The following TRAK1 variants were observed in gnomAD, a reference collection of about 807,000 sequenced individuals.
TRAK1 encodes the protein trafficking kinesin-binding protein 1.
A neutral mutation model predicts 92.1 loss-of-function variants in TRAK1; 33 were observed. The observed-to-expected ratio is 0.36, with a 90% CI of 0.27 to 0.48. The LOEUF (loss-of-function observed/expected upper bound fraction) is 0.48, where lower values mean the gene tolerates loss of function less well. Ranked by LOEUF, TRAK1 falls within the 20% of genes least tolerant of loss-of-function variation. The pLI, the probability that TRAK1 is intolerant of heterozygous loss-of-function variation, is 0.99. For missense variants in TRAK1, 1,123 were observed against 1,257.9 expected (o/e 0.89, Z 1.62); for synonymous variants, 521 against 517.3 (o/e 1.01, Z -0.10).
intron 12 of TRAK1, among the ~76,000 whole-genome samples, chr3:42,201,928 A>ACC (rs1707685050): frequency 2.1e-5 from 3 of 145,886 alleles, no homozygotes. Flanking sequence ...ACACACACAC[A>ACC]CACCATTGTC....
rs191492304 is a variant in TRAK1 at position 42,101,354 on chromosome 3, G to A, written c.91+9794G>A. Among the ~76,000 whole-genome samples the A allele has an allele frequency of 6.6e-5, 10 of 152,362 alleles. No homozygotes were observed. In the East Asian group the frequency reaches 1.2e-3, roughly 18 times the overall value. On this transcript the variant is annotated intron_variant, in intron 1 of 15. Transcript: ENST00000327628. ...ACCATAGCAAGAGTGATTCAGGAAGGATGCAGGAAGAATTGTGGACAAAGT... is the reference window on the plus strand; with the variant it reads ...ACCATAGCAAGAGTGATTCAGGAAGAATGCAGGAAGAATTGTGGACAAAGT...
At chr3:42,103,801 A>G (rs1317138008) in intron 1 of TRAK1, among the ~76,000 whole-genome samples, 8 of 152,122 alleles carry the variant, frequency 5.3e-5, no homozygotes, top group East Asian at 1.9e-4. Context: ...TTCATTTCCA[A>G]CTGAGGTACT....
In TRAK1 at chr3:42,148,918, C is replaced by T. The variant is rs533421265; in HGVS notation, c.286+23304C>T. Among the ~76,000 whole-genome samples the T allele has an allele frequency of 3.0e-4, 46 of 152,182 alleles. 1 individual carries two copies. In the South Asian group the frequency reaches 8.3e-3, roughly 27 times the overall value. On this transcript the variant is annotated intron_variant, in intron 2 of 15. Coordinates refer to ENST00000327628, the MANE Select transcript of TRAK1 (RefSeq NM_001042646.3). The stretch of plus-strand genomic sequence containing the variant: ...TTCAAATCCAGAGTCTTCTTTCTAT[C>T]GTGACCCAAAGTAGGGTGAATAAGC...
chr3:42,093,649 CCCCTT>C (rs1553713246), intron 1 of TRAK1, among the ~76,000 whole-genome samples: 1 of 40,600 alleles, frequency 2.5e-5, no homozygotes, highest in African/African-American at 1.1e-4. Flanking sequence ...TCTTTTTTCT[CCCCTT>C]CCCTTCCCTT....
At chr3:42,110,714 G>T (rs1029933879) in intron 1 of TRAK1, among the ~76,000 whole-genome samples, 4 of 152,152 alleles carry the variant, frequency 2.6e-5, no homozygotes, top group African/African-American at 9.7e-5. Context: ...AGCAAGTCTT[G>T]CCTTGTGTAT....
intron 7 of TRAK1, 57 bp downstream of exon 7, chr3:42,191,693 A>G: frequency 6.5e-7 from 1 of 1,540,000 alleles, no homozygotes. Flanking sequence ...ATGATTAGAC[A>G]GATTTGCGTC....
At chr3:42,124,300 T>C (rs1161284521) in intron 1 of TRAK1, among the ~76,000 whole-genome samples, 2 of 152,224 alleles carry the variant, frequency 1.3e-5, no homozygotes, top group African/African-American at 4.8e-5. Context: ...ACAAAACCAC[T>C]GCTGTTCCCA....
intron 6 of TRAK1, among the ~76,000 whole-genome samples, chr3:42,190,957 A>ACATCTCTATCATCTTCTTT: frequency 6.6e-6 from 1 of 152,170 alleles, no homozygotes; most frequent in African/African-American, 2.4e-5. Context: ...TTGGGCCTTC[A>ACATCTCTATCATCTTCTTT]GATCTCTATC....
chr3:42,158,715 A>T (rs1700850527), intron 2 of TRAK1, among the ~76,000 whole-genome samples: 1 of 149,516 alleles, frequency 6.7e-6, no homozygotes, highest in Admixed American at 6.7e-5. Context: ...AGGCTGAGGC[A>T]TGCGGATCAT....
chr3:42,111,861 A>T (rs1366823601), intron 1 of TRAK1, among the ~76,000 whole-genome samples: 2 of 150,938 alleles, frequency 1.3e-5, no homozygotes, highest in African/African-American at 4.9e-5. Flanking sequence ...TTTTACAGGG[A>T]TAAGTATGAA....
At chr3:42,095,913 G>C (rs1055986500) in intron 1 of TRAK1, among the ~76,000 whole-genome samples, 1 of 152,202 alleles carries the variant, frequency 6.6e-6, no homozygotes, top group Non-Finnish European at 1.5e-5. Flanking sequence ...TATAAAAGAG[G>C]TTTTGGAGAG....
intron 2 of TRAK1, among the ~76,000 whole-genome samples, chr3:42,136,192 G>A (rs967081883): frequency 2.6e-5 from 4 of 152,154 alleles, no homozygotes; most frequent in African/African-American, 9.7e-5. Context: ...ATGGCATTGG[G>A]AGATAGGGTC....
At chr3:42,198,899 A>G (rs780950780) in intron 10 of TRAK1, among the ~76,000 whole-genome samples, 3 of 152,112 alleles carry the variant, frequency 2.0e-5, no homozygotes, top group Non-Finnish European at 4.4e-5. Flanking sequence ...GGTTTGGCCA[A>G]CGGAGCATAG....
intron 10 of TRAK1, 55 bp downstream of exon 10, chr3:42,194,996 C>T: frequency 6.3e-7 from 1 of 1,596,396 alleles, no homozygotes; most frequent in East Asian, 2.3e-5. Flanking sequence ...GTGACAGGAG[C>T]ACAGTGTCTG....
intron 13 of TRAK1, among the ~76,000 whole-genome samples, chr3:42,205,279 T>C (rs906515613): frequency 2.6e-5 from 4 of 152,146 alleles, no homozygotes; most frequent in Admixed American, 6.5e-5. Flanking sequence ...TCTTTTTCTA[T>C]TGGCCCACTG....
chr3:42,061,335 C>T (rs974751753), intron 1 of TRAK1, among the ~76,000 whole-genome samples: 3 of 126,090 alleles, frequency 2.4e-5, no homozygotes, highest in East Asian at 2.6e-4. Context: ...CCCCCATGCA[C>T]ACCCCACCCC....
rs528998490 is a variant in TRAK1 at position 42,073,828 on chromosome 3, A to T, written c.-518-13276A>T. Reference sequence around the variant, plus strand: ...TCAAATGAGGTAGGAGAGTGGTAAGATGAAAGACGGGAGGAACAGACCTCT... The same window carrying T: ...TCAAATGAGGTAGGAGAGTGGTAAGTTGAAAGACGGGAGGAACAGACCTCT... On this transcript the variant is annotated intron_variant, in intron 1 of 16. Coordinates refer to the TRAK1 transcript ENST00000487159. 2.0e-4 allele frequency among the ~76,000 whole-genome samples: 31 copies of T among 152,352 alleles called. No individual in the cohort carries two copies. The Middle Eastern group carries it at 0.017, about 84-fold the overall frequency.
intron 13 of TRAK1, chr3:42,204,305 A>G: frequency 1.0e-6 from 1 of 952,704 alleles, no homozygotes; most frequent in Non-Finnish European, 1.3e-6. Context: ...TCATCTAAGA[A>G]TATGTTTTTG....
chr3:42,050,021 G>A lies in TRAK1; in HGVS notation c.-519+35904G>A, dbSNP rs73828517. Among the ~76,000 whole-genome samples, 872 of 152,274 alleles carry A rather than the reference G, an allele frequency of 5.7e-3. 7 individuals are homozygous for A. The highest frequency in any genetic ancestry group is 0.02 in the African/African-American group (833 of 41,552). The stretch of plus-strand genomic sequence containing the variant: ...CAGAGCAGGGCTTGTTGACAGTAGG[G>A]CTGTGTTATGAACAATAAGACACTT... On this transcript the variant is annotated intron_variant, in intron 1 of 16. Coordinates refer to the TRAK1 transcript ENST00000487159.
Sources: gnomAD v4.1 joint callset for allele counts (sites outside exome capture counted in the v4.1 genomes callset) on GRCh38, gnomAD v4.1.1 for gene constraint, MANE v1.5 for transcripts, NCBI Gene and HGNC (gene_info 2026-07-23, HGNC 2026-07-21) for gene names.